The following CLEC16A variants were observed in gnomAD, a reference collection of about 807,000 sequenced individuals.
CLEC16A encodes C-type lectin domain containing 16A.
Under a neutral mutation model 109.5 loss-of-function variants are expected in CLEC16A, and 51 were observed. The observed-to-expected ratio is 0.47, with a 90% CI of 0.37 to 0.59. The LOEUF is 0.59. CLEC16A is among the 20% of genes least tolerant of loss of function. CLEC16A has a pLI of 0.00. For synonymous variants in CLEC16A, 673 were observed against 564.2 expected (o/e 1.19, Z -2.73); for missense variants, 1,339 against 1,394.0 (o/e 0.96, Z 0.63).
At chr16:11,013,927 A>C (rs1241880573) in intron 11 of CLEC16A, among the ~76,000 whole-genome samples, 1 of 152,132 alleles carries the variant, frequency 6.6e-6, no homozygotes, top group Non-Finnish European at 1.5e-5. Context: ...CAACAGAGTG[A>C]GACTCTGTCT....
At chr16:11,116,179 C>G (rs2051975272) in intron 19 of CLEC16A, among the ~76,000 whole-genome samples, 2 of 151,784 alleles carry the variant, frequency 1.3e-5, no homozygotes, top group African/African-American at 4.8e-5. Flanking sequence ...CACTTGAGGC[C>G]AGGAGTTTGA....
chr16:10,952,260 G>A (rs1054704985), intron 1 of CLEC16A, among the ~76,000 whole-genome samples: 5 of 152,188 alleles, frequency 3.3e-5, no homozygotes, highest in Admixed American at 1.3e-4. Flanking sequence ...TTGGGAAGCC[G>A]AGGCAGGCAG....
intron 11 of CLEC16A, among the ~76,000 whole-genome samples, chr16:11,008,591 G>A (rs183380147): frequency 3.0e-4 from 46 of 152,192 alleles, no homozygotes; most frequent in Middle Eastern, 3.4e-3. Flanking sequence ...GTGGAAAGAT[G>A]TGGCCTTCCC....
chr16:10,995,010 C>G (rs950558802), intron 10 of CLEC16A, among the ~76,000 whole-genome samples: 2 of 152,116 alleles, frequency 1.3e-5, no homozygotes, highest in Non-Finnish European at 2.9e-5. Context: ...CTGCCTCTCA[C>G]TAGTGGGTGA....
chr16:11,070,986 T>G (rs564685284), intron 19 of CLEC16A: 15 of 152,376 alleles, frequency 9.8e-5, no homozygotes, highest in African/African-American at 3.6e-4. Context: ...TCATAAAGAT[T>G]CTGCAGGATC....
intron 3 of CLEC16A, among the ~76,000 whole-genome samples, chr16:10,963,586 C>T (rs1043729008): frequency 1.2e-4 from 19 of 152,328 alleles, no homozygotes; most frequent in African/African-American, 4.1e-4. Context: ...GGTACCAACC[C>T]TCCTGCTTCA....
chr16:11,004,471 C>A (rs1452907117), intron 11 of CLEC16A, among the ~76,000 whole-genome samples: 1 of 152,172 alleles, frequency 6.6e-6, no homozygotes, highest in Non-Finnish European at 1.5e-5. Context: ...GGAACACTTC[C>A]TGTGAGCCCT....
intron 13 of CLEC16A, among the ~76,000 whole-genome samples, chr16:11,030,621 T>C (rs757809108): frequency 1.4e-4 from 21 of 152,290 alleles, no homozygotes; most frequent in Middle Eastern, 3.4e-3. Flanking sequence ...AAAAAAAATA[T>C]TGTGTTTCGA....
At chr16:11,092,899 AC>A (rs1597361469) in intron 19 of CLEC16A, among the ~76,000 whole-genome samples, 1 of 152,196 alleles carries the variant, frequency 6.6e-6, no homozygotes, top group East Asian at 1.9e-4. Context: ...ATGCATGGTG[AC>A]TGTCGTTATC....
chr16:11,061,374 A>G (rs971601616), intron 19 of CLEC16A, among the ~76,000 whole-genome samples: 1 of 152,162 alleles, frequency 6.6e-6, no homozygotes. Context: ...AGCATTTTCT[A>G]TATGATTCTA....
chr16:10,986,171 C>T (rs1170673602), intron 10 of CLEC16A, among the ~76,000 whole-genome samples: 1 of 151,664 alleles, frequency 6.6e-6, no homozygotes. Context: ...GCTGGGACTA[C>T]AGGCGCCTGC....
rs1208965918 is a variant in CLEC16A at position 10,962,554 on chromosome 16, C to A, written c.309C>A (p.Ile103=). 2 of 1,613,890 alleles carry A rather than the reference C, an allele frequency of 1.2e-6. No homozygotes were observed. Among genetic ancestry groups the A allele is most frequent in the Non-Finnish European group, 1.7e-6 (2 of 1,179,842 alleles). Residue 103 remains isoleucine (I), a synonymous_variant, in exon 3 of 24, where the codon ATC becomes ATA. Transcript: ENST00000409790. Reference sequence around the variant, plus strand: ...TTCAGCTGCTGCAGACCTTGAACATCCTCTTTGAGAACATCAGTCACGAGA... The same window carrying A: ...TTCAGCTGCTGCAGACCTTGAACATACTCTTTGAGAACATCAGTCACGAGA... ...VCVQLLQTLN[I]LFENISHETS...
At chr16:11,044,853 G>A (rs1218930310) in intron 16 of CLEC16A, among the ~76,000 whole-genome samples, 1 of 150,426 alleles carries the variant, frequency 6.6e-6, no homozygotes, top group Non-Finnish European at 1.5e-5. Flanking sequence ...TTGAACTCAG[G>A]AGGCAGAGAT....
intron 13 of CLEC16A, 44 bp from the exon 14 acceptor site, chr16:11,039,710 G>C: frequency 6.4e-7 from 1 of 1,563,596 alleles, no homozygotes; most frequent in East Asian, 2.4e-5. Context: ...GAGGAGGTCA[G>C]GTAGTCAGGA....
At chr16:11,067,239 T>G (rs1402767720) in intron 19 of CLEC16A, among the ~76,000 whole-genome samples, 1 of 142,756 alleles carries the variant, frequency 7.0e-6, no homozygotes, top group Non-Finnish European at 1.5e-5. Context: ...CCAATTACTC[T>G]AGCAAAAGCC....
chr16:10,986,393 T>TTAA (rs1239034671), intron 10 of CLEC16A, among the ~76,000 whole-genome samples: 1 of 152,166 alleles, frequency 6.6e-6, no homozygotes, highest in African/African-American at 2.4e-5. Flanking sequence ...ATTTGTATGG[T>TTAA]TAACATTATT....
chr16:11,158,968 A>AGT (rs763431378), intron 22 of CLEC16A, among the ~76,000 whole-genome samples: 210 of 151,128 alleles, frequency 1.4e-3, no homozygotes, highest in Non-Finnish European at 2.7e-3. Context: ...TTGCATACAA[A>AGT]CGGCTCACAA....
chr16:11,012,594 C>CAAAAAAAAAAAAAAAAAAAAAAAAAAA (rs551902895), intron 11 of CLEC16A, among the ~76,000 whole-genome samples: 1 of 67,940 alleles, frequency 1.5e-5, no homozygotes. Flanking sequence ...GACTCCGTCT[C>CAAAAAAAAAAAAAAAAAAAAAAAAAAA]AAAAAAAAAA....
chr16:11,118,708 T>G (rs901492670), intron 19 of CLEC16A, among the ~76,000 whole-genome samples: 1 of 152,260 alleles, frequency 6.6e-6, no homozygotes, highest in Non-Finnish European at 1.5e-5. Context: ...ATACATTCTT[T>G]GCATAGACCA....
Sources: gnomAD v4.1 joint callset for allele counts (sites outside exome capture counted in the v4.1 genomes callset) on GRCh38, gnomAD v4.1.1 for gene constraint, MANE v1.5 for transcripts, NCBI Gene and HGNC (gene_info 2026-07-23, HGNC 2026-07-21) for gene names.